Variants in SRBD1 observed in about 807,000 individuals in gnomAD.
The protein encoded by SRBD1 is S1 RNA binding domain 1.
In SRBD1, 88 loss-of-function variants were observed where a neutral mutation model predicts 115.3. That is an observed-to-expected ratio of 0.76 (90% CI 0.64 to 0.91). The LOEUF (loss-of-function observed/expected upper bound fraction) is 0.91, where lower values mean the gene tolerates loss of function less well. Among genes scored for constraint, SRBD1 ranks in the 40% least tolerant of loss-of-function variants. The probability of loss-of-function intolerance (pLI) is 0.00; values close to 1 mark genes in which losing one functional copy is unlikely to be tolerated. For missense variants in SRBD1, 1,385 were observed against 1,177.4 expected (o/e 1.18, Z -2.58); for synonymous variants, 509 against 407.7 (o/e 1.25, Z -2.99).
chr2:45,553,606 C>A lies in SRBD1; in HGVS notation c.1517+17G>T. 1.3e-6 allele frequency: 2 copies of A among 1,511,308 alleles called. No homozygotes were observed. Among genetic ancestry groups the A allele is most frequent in the Non-Finnish European group, 1.8e-6 (2 of 1,120,712 alleles). 93.6% of individuals were successfully genotyped at this position (1,511,308 alleles called of 1,614,324 possible). A position where few individuals can be genotyped will look rare whatever the true frequency, so the allele number is the denominator to read the frequency against. On this transcript the variant is annotated intron_variant, in intron 11 of 20. Transcript: ENST00000263736. ...ACAATAATCAGTACACAAAATTAAA[C>A]AAGACAAGATATATACCTGAATTCT...
At chr2:45,483,018 G>T (rs925299288) in intron 15 of SRBD1, among the ~76,000 whole-genome samples, 8 of 151,976 alleles carry the variant, frequency 5.3e-5, no homozygotes, top group African/African-American at 1.7e-4. Flanking sequence ...CCGTGGGCAC[G>T]TGCACAGGGT....
At chr2:45,607,804 T>C (rs1016952454) in intron 1 of SRBD1, among the ~76,000 whole-genome samples, 1 of 152,166 alleles carries the variant, frequency 6.6e-6, no homozygotes, top group African/African-American at 2.4e-5. Flanking sequence ...AAGGTATTAA[T>C]GAAACAGTCT....
chr2:45,471,228 CA>C (rs1669639301), intron 16 of SRBD1, among the ~76,000 whole-genome samples: 1 of 152,014 alleles, frequency 6.6e-6, no homozygotes, highest in Non-Finnish European at 1.5e-5. Context: ...GAAAAAAAAT[CA>C]CATCAACAAG....
chr2:45,487,947 C>T (rs1039710320), intron 15 of SRBD1, among the ~76,000 whole-genome samples: 2 of 152,062 alleles, frequency 1.3e-5, no homozygotes, highest in African/African-American at 4.8e-5. Context: ...CCACCGCACC[C>T]GGCCTATTAT....
At chr2:45,569,843 G>A (rs1415921190) in intron 9 of SRBD1, among the ~76,000 whole-genome samples, 1 of 152,114 alleles carries the variant, frequency 6.6e-6, no homozygotes, top group Non-Finnish European at 1.5e-5. Context: ...AGAAACTTAA[G>A]TAAAGAAAAT....
At position 45,520,557 on chromosome 2, in the gene SRBD1, C is replaced by A. The variant is rs553489561; in HGVS notation, c.1874+26175G>T. 2.6e-5 allele frequency among the ~76,000 whole-genome samples: 4 copies of A among 152,328 alleles called. No homozygotes were observed. In the South Asian group the frequency reaches 8.3e-4, roughly 32 times the overall value. ...AGTGAGATACAGGCATTCTTGTTTT[C>A]GTGCCCAAAAAGTTGCCTTTTGGCC... On this transcript the variant is annotated intron_variant, in intron 14 of 20. Coordinates refer to ENST00000263736, the MANE Select transcript of SRBD1 (RefSeq NM_018079.5).
chr2:45,454,542 A>C (rs1002107988), intron 16 of SRBD1, among the ~76,000 whole-genome samples: 3 of 151,820 alleles, frequency 2.0e-5, no homozygotes, highest in Admixed American at 6.6e-5. Flanking sequence ...ACATCAATCT[A>C]ATTGTCCAAC....
chr2:45,461,391 G>T (rs1179470383), intron 16 of SRBD1, among the ~76,000 whole-genome samples: 1 of 152,174 alleles, frequency 6.6e-6, no homozygotes, highest in Non-Finnish European at 1.5e-5. Flanking sequence ...CTGGGAAGAT[G>T]ACCTGTTTTC....
chr2:45,606,090 T>A (rs914591681), intron 1 of SRBD1, among the ~76,000 whole-genome samples: 2 of 151,730 alleles, frequency 1.3e-5, no homozygotes, highest in African/African-American at 4.8e-5. Context: ...GGTAATAATA[T>A]CAGGCAGCCC....
rs768440887 is a variant in SRBD1 at position 45,562,757 on chromosome 2, C to T, written c.1306-1G>A. On this transcript the variant is annotated splice_acceptor_variant, in intron 9 of 20. Transcript: ENST00000263736. LOFTEE classifies it high-confidence loss of function. ...TTTCTCCACGGTTAATTGCCAGAAT[C>T]TGAGTGCAAACATAAGGCAAAGACT... The T allele has an allele frequency of 2.5e-6, 4 of 1,601,688 alleles. No homozygotes were observed. Among genetic ancestry groups the T allele is most frequent in the Non-Finnish European group, 3.4e-6 (4 of 1,174,890 alleles).
intron 18 of SRBD1, 73 bp from the exon 19 acceptor site, chr2:45,413,366 T>G (rs1667663790): frequency 6.6e-7 from 1 of 1,512,522 alleles, no homozygotes; most frequent in Admixed American, 2.1e-5. Flanking sequence ...AATTAAAATG[T>G]GCTTACTTCT....
At chr2:45,399,335 G>A (rs920011779) in intron 19 of SRBD1, among the ~76,000 whole-genome samples, 1 of 152,166 alleles carries the variant, frequency 6.6e-6, no homozygotes, top group African/African-American at 2.4e-5. Flanking sequence ...CCTTGAATGA[G>A]CTTACAATCT....
chr2:45,585,622 G>T lies in SRBD1; in HGVS notation c.801C>A (p.Thr267=). ...AGGTTTCTTACCGTAGCTCTTCTAG[G>T]GTTTGCTGAACTTCTCTCAAGGAAT... ...DADSLREVQQ[T]LEELRAVAKK... Residue 267 remains threonine, a synonymous_variant, in exon 5 of 21, where the codon ACC becomes ACA. Transcript: ENST00000263736. 1 of 1,610,132 alleles carries T rather than the reference G, an allele frequency of 6.2e-7. No homozygotes were observed. Among genetic ancestry groups the T allele is most frequent in the South Asian group, 1.1e-5 (1 of 90,232 alleles).
At chr2:45,585,959 C>T (rs1335794064) in intron 4 of SRBD1, among the ~76,000 whole-genome samples, 185 bp from the exon 5 acceptor site, 2 of 152,080 alleles carry the variant, frequency 1.3e-5, no homozygotes, top group Non-Finnish European at 2.9e-5. Context: ...GGTAAAATAG[C>T]CATTTCACAA....
At position 45,408,925 on chromosome 2, in the gene SRBD1, C is replaced by A. The variant is rs535727863; in HGVS notation, c.2513+4189G>T. On this transcript the variant is annotated intron_variant, in intron 19 of 20. Coordinates refer to ENST00000263736, the MANE Select transcript of SRBD1 (RefSeq NM_018079.5). ...GATTATGGAAACAAACAAAAACATA[C>A]ATTATAAAAGATACTGGCCGGGTGC... is the stretch of plus-strand genomic sequence containing the variant. Among the ~76,000 whole-genome samples the A allele has an allele frequency of 2.0e-5, 3 of 152,212 alleles. No individual in the cohort carries two copies. In the South Asian group the frequency reaches 6.2e-4, roughly 32 times the overall value.
At chr2:45,543,491 T>G (rs552182436) in intron 14 of SRBD1, among the ~76,000 whole-genome samples, 95 of 152,304 alleles carry the variant, frequency 6.2e-4, no homozygotes, top group Non-Finnish European at 1.1e-3. Flanking sequence ...AAAAGGTTTT[T>G]CAGGATGAGT....
chr2:45,424,607 A>ACC (rs1668098802), intron 16 of SRBD1, among the ~76,000 whole-genome samples: 1 of 152,220 alleles, frequency 6.6e-6, no homozygotes, highest in Non-Finnish European at 1.5e-5. Context: ...AATCAGTAGT[A>ACC]AAGATAAGCA....
Position 45,574,712 on chromosome 2 carries a change from G to C in SRBD1, c.1084C>G (p.Leu362Val). The part of the protein sequence containing the change: ...IRPDVKGLST[L>V]QDIEIGVQHI... ...TGCACTCCTATTTCAATATCCTGAA[G>C]CGTTGAAAGCCCTTTAGGAGAAGGG... The change falls in exon 8 of 21, where the codon CTT becomes GTT. Residue 362 changes from leucine (L) to valine (V), a missense_variant. Transcript: ENST00000263736. 1 of 1,611,974 alleles carries C rather than the reference G, an allele frequency of 6.2e-7. No individual in the cohort carries two copies. Among genetic ancestry groups the C allele is most frequent in the East Asian group, 2.2e-5 (1 of 44,842 alleles).
intron 2 of SRBD1, among the ~76,000 whole-genome samples, chr2:45,603,499 G>C (rs190058436): frequency 6.6e-6 from 1 of 152,018 alleles, no homozygotes. Flanking sequence ...AGGTAATCTT[G>C]TATTTTCTCG....
Sources: gnomAD v4.1 joint callset for allele counts (sites outside exome capture counted in the v4.1 genomes callset) on GRCh38, gnomAD v4.1.1 for gene constraint, MANE v1.5 for transcripts, NCBI Gene and HGNC (gene_info 2026-07-23, HGNC 2026-07-21) for gene names.